Variants in DDX42 observed in about 807,000 individuals in gnomAD.
The protein encoded by DDX42 is ATP-dependent RNA helicase DDX42.
A neutral mutation model predicts 101.5 loss-of-function variants in DDX42; 22 were observed. The ratio of observed to expected loss-of-function variants is 0.22; its 90% CI spans 0.15 to 0.31. The LOEUF (loss-of-function observed/expected upper bound fraction) is 0.31. Among genes scored for constraint, DDX42 ranks in the 10% least tolerant of loss-of-function variants. The pLI is 1.00. For synonymous variants in DDX42, 402 were observed against 401.2 expected (o/e 1.00, Z -0.02); for missense variants, 849 against 1,199.9 (o/e 0.71, Z 4.32).
rs1181101914 is a variant in DDX42, at chr17:63,774,228, C to CGGCGGT, written c.-162_-157dup. 1 of 233,376 alleles carries CGGCGGT rather than the reference C, an allele frequency of 4.3e-6. No individual in the cohort carries two copies. The highest frequency in any genetic ancestry group is 6.7e-5 in the Admixed American group (1 of 15,008). 14.5% of individuals were successfully genotyped at this position (233,376 alleles called of 1,614,324 possible). On this transcript the variant is annotated 5_prime_UTR_variant, in exon 1 of 18. Coordinates refer to ENST00000389924, the MANE Select transcript of DDX42 (RefSeq NM_203499.3). ...GCGGTGGCGGTGGTGGCGGTGGCGGCGGCGGTGGTGGTGGTGGCGGCGGCG... is the reference window on the plus strand; with the variant it reads ...GCGGTGGCGGTGGTGGCGGTGGCGGCGGCGGTGGCGGTGGTGGTGGTGGCGGCGGCG...
At position 63,786,986 on chromosome 17, in the gene DDX42, T is replaced by C; in HGVS notation, c.-16-48T>C. 2.5e-6 allele frequency: 4 copies of C among 1,600,926 alleles called. No individual in the cohort carries two copies. In the South Asian group the frequency reaches 3.3e-5, roughly 13 times the overall value. On this transcript the variant is annotated intron_variant, in intron 1 of 17. Transcript: ENST00000389924. Reference sequence around the variant, plus strand: ...CCACCGCGCCCGGCCCTTGGGGCTATACACTTTTTTAAGTTTAATTTATAT... The same window carrying C: ...CCACCGCGCCCGGCCCTTGGGGCTACACACTTTTTTAAGTTTAATTTATAT...
rs8076850 is a variant in DDX42 at position 63,780,305 on chromosome 17, A to C, written c.-17+5929A>C. Among the ~76,000 whole-genome samples the C allele has an allele frequency of 2.1e-3, 35 of 16,480 alleles. 1 individual carries two copies. Among genetic ancestry groups the C allele is most frequent in the African/African-American group, 0.016 (6 of 368 alleles). The allele number at this position is 16,480 out of a possible 152,430, so 10.8% of individuals were successfully genotyped here. A position where few individuals can be genotyped will look rare whatever the true frequency, so the allele number is the denominator to read the frequency against. On this transcript the variant is annotated intron_variant, in intron 1 of 17. Coordinates refer to ENST00000389924, the MANE Select transcript of DDX42 (RefSeq NM_203499.3). ...GAGCGAAACTGTCTCAAAAAAACAA[A>C]AAAAAAAAAAAGTAGGAAAAACTGT...
In DDX42 at chr17:63,817,970, C is replaced by T. The variant is rs767329985; in HGVS notation, c.2389C>T (p.Arg797Ter). 1 of 1,614,046 alleles carries T rather than the reference C, an allele frequency of 6.2e-7. No individual in the cohort carries two copies. Among genetic ancestry groups the T allele is most frequent in the Non-Finnish European group, 8.5e-7 (1 of 1,180,022 alleles). ...VNNTASGNNS[R>*]EGTGGSNGKR... ...CAACACAGCTTCAGGGAATAACAGC[C>T]GAGAAGGGACTGGGGGCAGCAACGG... Residue 797 changes from arginine to a stop codon, truncating the protein, a stop_gained, in exon 18 of 18, where the codon CGA (arginine) becomes TGA (stop). Transcript: ENST00000389924. LOFTEE classifies it high-confidence loss of function.
intron 6 of DDX42, among the ~76,000 whole-genome samples, chr17:63,801,530 TTTTG>T (rs995388022): frequency 2.8e-4 from 42 of 151,954 alleles, no homozygotes; most frequent in Non-Finnish European, 5.3e-4. Context: ...GCCTTTATTT[TTTTG>T]TTTATTTTTT....
Position 63,792,412 on chromosome 17 carries a change from C to G in DDX42, c.222C>G (p.Ala74=). 1 of 1,610,428 alleles carries G rather than the reference C, an allele frequency of 6.2e-7. No individual in the cohort carries two copies. Among genetic ancestry groups the G allele is most frequent in the Non-Finnish European group, 8.5e-7 (1 of 1,178,398 alleles). ...SKRANFDEEN[A]YFEDEEEDSS... ...TACCAGTTTGCTTTCTAATTCTCAG[C>G]TATTTTGAAGATGAGGAAGAAGATT... The change falls in exon 3 of 18, where the codon GCC becomes GCG. Residue 74 remains alanine, a splice_region_variant and synonymous_variant. Transcript: ENST00000389924.
In DDX42 at chr17:63,813,243, T is replaced by C; in HGVS notation, c.1691T>C (p.Ile564Thr). Residue 564 changes from isoleucine (I) to threonine (T), a missense_variant, in exon 15 of 18, where the codon ATT (isoleucine) becomes ACT (threonine). Physicochemically the swap from Ile to Thr is moderately conservative, Grantham distance 89 (BLOSUM62 -1). Coordinates refer to ENST00000389924, the MANE Select transcript of DDX42 (RefSeq NM_203499.3). ...ATDVAARGLD[I>T]PSIKTVINYD... ...TTTATTTCAGCCCGTGGTCTGGACA[T>C]TCCTTCAATTAAGACTGTCATTAAC... is the stretch of plus-strand genomic sequence containing the variant. 1 of 1,606,906 alleles carries C rather than the reference T, an allele frequency of 6.2e-7. No homozygotes were observed. Among genetic ancestry groups the C allele is most frequent in the Non-Finnish European group, 8.5e-7 (1 of 1,174,118 alleles).
chr17:63,802,803 G>C (rs939106745), intron 6 of DDX42, among the ~76,000 whole-genome samples: 9 of 151,906 alleles, frequency 5.9e-5, no homozygotes, highest in African/African-American at 1.7e-4. Flanking sequence ...CCAGCTACTC[G>C]GGAGAGTGAG....
chr17:63,778,202 T>C (rs1156284900), intron 1 of DDX42, among the ~76,000 whole-genome samples: 2 of 152,244 alleles, frequency 1.3e-5, no homozygotes, highest in African/African-American at 4.8e-5. Flanking sequence ...CTTTTCACTG[T>C]GTGTCTCACT....
At chr17:63,780,542 A>G (rs999167772) in intron 1 of DDX42, among the ~76,000 whole-genome samples, 2 of 152,208 alleles carry the variant, frequency 1.3e-5, no homozygotes, top group Non-Finnish European at 2.9e-5. Flanking sequence ...TGCTGGACAA[A>G]TTGAGTCAAG....
chr17:63,812,643 AAGG>A (rs1179436612), intron 14 of DDX42, among the ~76,000 whole-genome samples: 3 of 152,186 alleles, frequency 2.0e-5, no homozygotes, highest in Non-Finnish European at 2.9e-5. Context: ...TTTTCCTAGA[AAGG>A]AGAGAACTTC....
At chr17:63,800,391 CTA>C (rs1375120059) in intron 5 of DDX42, 75 bp from the exon 6 acceptor site, 19 of 1,420,824 alleles carry the variant, frequency 1.3e-5, no homozygotes, top group Non-Finnish European at 1.6e-5. Context: ...ATCTGGTACA[CTA>C]TGTGCGCTAA....
intron 6 of DDX42, among the ~76,000 whole-genome samples, chr17:63,804,652 A>G (rs1022690578): frequency 6.6e-6 from 1 of 152,122 alleles, no homozygotes; most frequent in Non-Finnish European, 1.5e-5. Flanking sequence ...ATGTTGTTCA[A>G]ATTCGAGGTT....
chr17:63,806,152 G>GT (rs2039837363), intron 7 of DDX42: 1 of 157,116 alleles, frequency 6.4e-6, no homozygotes, highest in Non-Finnish European at 1.4e-5. Context: ...CATTTCAAGA[G>GT]TAAGATACAT....
chr17:63,811,039 AT>A (rs2039903783), intron 12 of DDX42, 36 bp from the exon 13 acceptor site: 8 of 1,572,404 alleles, frequency 5.1e-6, no homozygotes, highest in Non-Finnish European at 7.0e-6. Context: ...TAAAGATATC[AT>A]ATTGTTTCTC....
At chr17:63,800,664 T>G (rs1339811902) in intron 6 of DDX42, 47 bp downstream of exon 6, 2 of 1,590,894 alleles carry the variant, frequency 1.3e-6, no homozygotes, top group African/African-American at 2.7e-5. Context: ...AGCTGATGCT[T>G]TACTTCAGCT....
At chr17:63,809,849 G>A (rs1052426136) in intron 11 of DDX42, among the ~76,000 whole-genome samples, 190 bp downstream of exon 11, 2 of 152,216 alleles carry the variant, frequency 1.3e-5, no homozygotes, top group African/African-American at 4.8e-5. Flanking sequence ...GGTTTTATTG[G>A]GTTGAGGAAA....
chr17:63,780,372 C>T (rs908154277), intron 1 of DDX42, among the ~76,000 whole-genome samples: 50 of 151,890 alleles, frequency 3.3e-4, no homozygotes, highest in African/African-American at 1.2e-3. Context: ...GATGATCTGG[C>T]TTAGATTTAA....
chr17:63,791,311 T>C (rs1259486399), intron 2 of DDX42, among the ~76,000 whole-genome samples: 1 of 152,206 alleles, frequency 6.6e-6, no homozygotes, highest in Non-Finnish European at 1.5e-5. Flanking sequence ...ATTTATTTTC[T>C]TGCTTTTTTC....
At chr17:63,781,384 A>G (rs1290815702) in intron 1 of DDX42, among the ~76,000 whole-genome samples, 1 of 151,828 alleles carries the variant, frequency 6.6e-6, no homozygotes, top group Non-Finnish European at 1.5e-5. Context: ...CGTCCGGCTA[A>G]TTTTTTGTAT....
Sources: gnomAD v4.1 joint callset for allele counts (sites outside exome capture counted in the v4.1 genomes callset) on GRCh38, gnomAD v4.1.1 for gene constraint, MANE v1.5 for transcripts, NCBI Gene and HGNC (gene_info 2026-07-23, HGNC 2026-07-21) for gene names.